ROBO1: variants seen among roughly 807,000 people sequenced by gnomAD.
ROBO1 encodes the protein roundabout guidance receptor 1.
In ROBO1, 149 loss-of-function variants were observed where a neutral mutation model predicts 195.9. That is an observed-to-expected ratio of 0.76 (90% CI 0.67 to 0.87). ROBO1 has a LOEUF of 0.87. Among genes scored for constraint, ROBO1 ranks in the 40% least tolerant of loss-of-function variants. The pLI is 0.00. For missense variants in ROBO1, 1,933 were observed against 2,068.3 expected, an observed-to-expected ratio of 0.93 and a Z score of 1.27; for synonymous variants, 816 against 733.2, an observed-to-expected ratio of 1.11 and a Z score of -1.82.
rs186454807 is a variant in ROBO1 at position 79,616,523 on chromosome 3, G to T, written c.-50-26562C>A. ...CATCAAAGTGTACTTTGGGACATAG[G>T]AAACCAGATAACATGGTCTCCCTGG... On this transcript the variant is annotated intron_variant, in intron 1 of 30. Transcript: ENST00000464233. 7.2e-5 allele frequency among the ~76,000 whole-genome samples: 11 copies of T among 152,144 alleles called. No homozygotes were observed. In the East Asian group the frequency reaches 2.1e-3, roughly 30 times the overall value.
chr3:78,866,173 ATTAAAT>A (rs1173718833), intron 4 of ROBO1, among the ~76,000 whole-genome samples: 1 of 152,226 alleles, frequency 6.6e-6, no homozygotes, highest in African/African-American at 2.4e-5. Flanking sequence ...TCTGCTTATA[ATTAAAT>A]TTAAAACAGG....
chr3:79,325,906 A>G (rs1464587608), intron 2 of ROBO1, among the ~76,000 whole-genome samples: 3 of 152,098 alleles, frequency 2.0e-5, no homozygotes, highest in African/African-American at 7.2e-5. Context: ...TTGAAAAGCA[A>G]ATGGGAGAAA....
At chr3:78,848,404 G>A (rs139622486) in intron 4 of ROBO1, among the ~76,000 whole-genome samples, 66 of 152,302 alleles carry the variant, frequency 4.3e-4, no homozygotes, top group Middle Eastern at 6.8e-3. Flanking sequence ...GGATAAGGTA[G>A]TGAACAAAGG....
chr3:78,657,332 A>C (rs904864552), intron 17 of ROBO1, 63 bp from the exon 18 acceptor site: 3 of 1,546,984 alleles, frequency 1.9e-6, no homozygotes, highest in Admixed American at 1.8e-5. Context: ...AAAGATCAAC[A>C]CAGGGTTGCA....
chr3:78,947,478 G>C (rs2040511658), intron 3 of ROBO1, among the ~76,000 whole-genome samples: 1 of 152,140 alleles, frequency 6.6e-6, no homozygotes, highest in Non-Finnish European at 1.5e-5. Context: ...AAACCAATGA[G>C]AACAAAGTCA....
chr3:78,846,462 C>T (rs749041523), intron 4 of ROBO1, among the ~76,000 whole-genome samples: 9 of 152,132 alleles, frequency 5.9e-5, no homozygotes, highest in Non-Finnish European at 1.2e-4. Context: ...TTCAAGCCTT[C>T]TCACCAGTAA....
chr3:78,907,977 G>C (rs1434896064), intron 4 of ROBO1, among the ~76,000 whole-genome samples: 3 of 151,776 alleles, frequency 2.0e-5, no homozygotes, highest in Non-Finnish European at 4.4e-5. Flanking sequence ...GCCGCCCAAA[G>C]TATCATTCAT....
At chr3:79,167,933 T>C (rs557609682) in intron 2 of ROBO1, among the ~76,000 whole-genome samples, 1 of 152,322 alleles carries the variant, frequency 6.6e-6, no homozygotes, top group South Asian at 2.1e-4. Context: ...AATATATGCA[T>C]GGGAAGAATT....
chr3:78,875,312 T>A (rs1013970124), intron 4 of ROBO1, among the ~76,000 whole-genome samples: 3 of 151,868 alleles, frequency 2.0e-5, no homozygotes, highest in African/African-American at 7.2e-5. Context: ...GGATAGTAGA[T>A]CAGCAATTGT....
At chr3:78,927,261 C>T (rs932299474) in intron 4 of ROBO1, among the ~76,000 whole-genome samples, 3 of 152,106 alleles carry the variant, frequency 2.0e-5, no homozygotes, top group Admixed American at 1.3e-4. Context: ...AAAATGGAAA[C>T]AGAACAGTAC....
chr3:79,548,126 C>T (rs556056586), intron 2 of ROBO1, among the ~76,000 whole-genome samples: 58 of 152,252 alleles, frequency 3.8e-4, no homozygotes, highest in African/African-American at 1.3e-3. Context: ...AGCAAATCAT[C>T]TGAGAGAAAA....
intron 2 of ROBO1, among the ~76,000 whole-genome samples, chr3:79,404,125 A>G (rs543414024): frequency 5.3e-5 from 8 of 152,068 alleles, no homozygotes; most frequent in Non-Finnish European, 8.8e-5. Context: ...ATTCATGTGT[A>G]TGACAGCTGA....
In ROBO1 at chr3:79,034,994, G is replaced by T. The variant is rs551664790; in HGVS notation, c.172+90462C>A. 5.3e-5 allele frequency among the ~76,000 whole-genome samples: 8 copies of T among 152,102 alleles called. No homozygotes were observed. The South Asian group carries it at 1.2e-3, about 24-fold the overall frequency. ...ATTTCCATACTATTTAAGTTTTACA[G>T]CATGTGTTACTTTTAGAATAAAAAT... On this transcript the variant is annotated intron_variant, in intron 3 of 30. Transcript: ENST00000464233.
intron 4 of ROBO1, among the ~76,000 whole-genome samples, chr3:78,792,925 C>T (rs2084066829): frequency 6.6e-6 from 1 of 151,868 alleles, no homozygotes; most frequent in Admixed American, 6.6e-5. Context: ...CAGAGTAGAA[C>T]CTCCTCTCTA....
intron 2 of ROBO1, among the ~76,000 whole-genome samples, chr3:79,163,091 T>C (rs1405200822): frequency 2.0e-5 from 3 of 152,048 alleles, no homozygotes; most frequent in Non-Finnish European, 4.4e-5. Flanking sequence ...ACATTCCTAA[T>C]GTGCCACCAT....
chr3:79,431,535 A>C (rs1201253071), intron 2 of ROBO1, among the ~76,000 whole-genome samples: 1 of 152,158 alleles, frequency 6.6e-6, no homozygotes, highest in Non-Finnish European at 1.5e-5. Context: ...GACTTTTCAA[A>C]AGAGAATAAA....
intron 1 of ROBO1, among the ~76,000 whole-genome samples, chr3:79,744,576 C>T (rs1703790212): frequency 6.6e-6 from 1 of 152,042 alleles, no homozygotes; most frequent in South Asian, 2.1e-4. Flanking sequence ...AGCAAGAAGA[C>T]CCTCACCAAG....
intron 1 of ROBO1, among the ~76,000 whole-genome samples, chr3:79,617,448 C>T (rs1560041838): frequency 6.6e-6 from 1 of 152,082 alleles, no homozygotes; most frequent in East Asian, 1.9e-4. Flanking sequence ...AAACCATACA[C>T]AGAAATTATC....
At position 79,616,088 on chromosome 3, in the gene ROBO1, A is replaced by G. The variant is rs373435291; in HGVS notation, c.-50-26127T>C. ...AGCCAAATTGTTGGAGAGCTAGTCT[A>G]CCCTCATGAGCCCAGGCACTACTTT... On this transcript the variant is annotated intron_variant, in intron 1 of 30. Transcript: ENST00000464233. 3.3e-5 allele frequency among the ~76,000 whole-genome samples: 5 copies of G among 152,258 alleles called. No individual in the cohort carries two copies. In the East Asian group the frequency reaches 9.7e-4, roughly 30 times the overall value.
Sources: allele counts gnomAD v4.1 joint callset (sites outside exome capture counted in the v4.1 genomes callset), GRCh38; gene constraint gnomAD v4.1.1; transcripts MANE v1.5; gene names NCBI Gene and HGNC (gene_info 2026-07-23, HGNC 2026-07-21).